GLIS1: variants seen among roughly 807,000 people sequenced by gnomAD.
GLIS1 encodes the protein zinc finger protein GLIS1.
In GLIS1, 24 loss-of-function variants were observed where a neutral mutation model predicts 63.8. The observed-to-expected ratio is 0.38, with a 90% CI of 0.27 to 0.53. GLIS1 has a LOEUF of 0.53. Among genes scored for constraint, GLIS1 ranks in the 20% least tolerant of loss-of-function variants. GLIS1 has a pLI of 0.85. For missense variants in GLIS1, 1,036 were observed against 1,074.1 expected, an observed-to-expected ratio of 0.96 and a Z score of 0.50; for synonymous variants, 450 against 482.5, an observed-to-expected ratio of 0.93 and a Z score of 0.88.
intron 1 of GLIS1, 30 bp from the exon 2 acceptor site, chr1:53,738,136 G>C (rs1179618433): frequency 2.5e-6 from 3 of 1,189,960 alleles, no homozygotes; most frequent in Admixed American, 4.3e-5. Flanking sequence ...CAGCCAGTTA[G>C]AATGCGGAAA....
intron 4 of GLIS1, among the ~76,000 whole-genome samples, chr1:53,577,263 G>A (rs745896262): frequency 6.6e-6 from 1 of 151,970 alleles, no homozygotes; most frequent in Non-Finnish European, 1.5e-5. Flanking sequence ...GCATGCCCCA[G>A]ATCAAGTCAC....
At chr1:53,573,167 T>C (rs556840894) in intron 4 of GLIS1, among the ~76,000 whole-genome samples, 1 of 152,280 alleles carries the variant, frequency 6.6e-6, no homozygotes, top group South Asian at 2.1e-4. Context: ...TCAGCGAATG[T>C]TTACTGAGCT....
intron 2 of GLIS1, among the ~76,000 whole-genome samples, chr1:53,633,672 T>C (rs1247938946): frequency 6.6e-6 from 1 of 152,078 alleles, no homozygotes; most frequent in African/African-American, 2.4e-5. Flanking sequence ...CGTGTGTCAA[T>C]CCTAGCACTA....
At chr1:53,530,393 C>G (rs2100333662) in intron 4 of GLIS1, among the ~76,000 whole-genome samples, 1 of 152,262 alleles carries the variant, frequency 6.6e-6, no homozygotes, top group South Asian at 2.1e-4. Context: ...GTGCTCTTGA[C>G]CCCTCTGCGC....
intron 2 of GLIS1, among the ~76,000 whole-genome samples, chr1:53,660,525 C>A (rs1310129969): frequency 6.6e-6 from 1 of 152,172 alleles, no homozygotes; most frequent in Non-Finnish European, 1.5e-5. Context: ...TACCCTAGAG[C>A]AGCTTTGTAG....
At chr1:53,708,556 G>A (rs1646605562) in intron 2 of GLIS1, among the ~76,000 whole-genome samples, 1 of 152,038 alleles carries the variant, frequency 6.6e-6, no homozygotes. Flanking sequence ...TCTGGGACTG[G>A]GGCTGAGTGT....
intron 2 of GLIS1, among the ~76,000 whole-genome samples, chr1:53,604,651 C>G (rs1470080086): frequency 6.6e-6 from 1 of 152,136 alleles, no homozygotes; most frequent in East Asian, 1.9e-4. Flanking sequence ...CTGCACTTTA[C>G]AGTTTACAAA....
rs140694050 is a variant in GLIS1 at position 53,627,597 on chromosome 1, C to T, written c.260-27319G>A. Among the ~76,000 whole-genome samples the T allele has an allele frequency of 7.7e-3, 1,172 of 152,276 alleles. 2 individuals carry two copies. The highest frequency in any genetic ancestry group is 0.013 in the Non-Finnish European group (878 of 68,022). On this transcript the variant is annotated intron_variant, in intron 2 of 10. Coordinates refer to ENST00000628545, the MANE Select transcript of GLIS1 (RefSeq NM_001367484.1). ...AATCCCTTTCGACAGATTAACTAGA[C>T]GCACTTTGAAGCCATAAATCATGCA...
chr1:53,567,895 A>T (rs1449139844), intron 4 of GLIS1, among the ~76,000 whole-genome samples: 5 of 152,244 alleles, frequency 3.3e-5, no homozygotes, highest in African/African-American at 1.2e-4. Context: ...GTCCAGGCAG[A>T]AGTCTGCTAC....
At chr1:53,614,927 CACATAT>C (rs1481849443) in intron 2 of GLIS1, among the ~76,000 whole-genome samples, 22 of 152,230 alleles carry the variant, frequency 1.4e-4, no homozygotes, top group African/African-American at 4.6e-4. Flanking sequence ...CACTCTCACA[CACATAT>C]GCATTCTCTG....
At chr1:53,736,113 G>A (rs910116498) in intron 2 of GLIS1, among the ~76,000 whole-genome samples, 2 of 152,150 alleles carry the variant, frequency 1.3e-5, no homozygotes, top group African/African-American at 4.8e-5. Flanking sequence ...GAAAAGTTGT[G>A]AAACCTCTTG....
intron 2 of GLIS1, among the ~76,000 whole-genome samples, chr1:53,621,662 G>A (rs144857740): frequency 6.6e-6 from 1 of 152,104 alleles, no homozygotes; most frequent in African/African-American, 2.4e-5. Context: ...TTTAGTTTTA[G>A]TAATACGTTT....
At chr1:53,675,994 A>G (rs1646207729) in intron 2 of GLIS1, among the ~76,000 whole-genome samples, 1 of 152,202 alleles carries the variant, frequency 6.6e-6, no homozygotes, top group South Asian at 2.1e-4. Context: ...GGAGGGGGAA[A>G]AAAGGCACAG....
Position 53,509,927 on chromosome 1 carries a change from G to A in GLIS1, c.1984C>T (p.Pro662Ser), listed in dbSNP as rs1644281421. 1 of 1,306,064 alleles carries A rather than the reference G, an allele frequency of 7.7e-7. No individual in the cohort carries two copies. The highest frequency in any genetic ancestry group is 1.5e-5 in the African/African-American group (1 of 66,422). The allele number at this position is 1,306,064 out of a possible 1,614,324, so 80.9% of individuals were successfully genotyped here. A position where few individuals can be genotyped will look rare whatever the true frequency, so the allele number is the denominator to read the frequency against. ...SSQSHSPGGQ[P>S]FPTLPSKPSY... ...GGCTTGCTGGGGAGTGTGGGGAAGG[G>A]CTGGCCCCCCGGAGAATGGCTCTGA... The change falls in exon 9 of 11, where the codon CCC becomes TCC. Residue 662 changes from proline to serine, a missense_variant. Pro to Ser is a moderately conservative substitution (Grantham distance 74). Coordinates refer to ENST00000628545, the MANE Select transcript of GLIS1 (RefSeq NM_001367484.1).
At chr1:53,653,251 T>C (rs1233493241) in intron 2 of GLIS1, among the ~76,000 whole-genome samples, 3 of 152,224 alleles carry the variant, frequency 2.0e-5, no homozygotes, top group African/African-American at 4.8e-5. Flanking sequence ...AAGAAGCAGA[T>C]GGATGGACAT....
chr1:53,514,225 G>A (rs536771203), intron 8 of GLIS1, among the ~76,000 whole-genome samples: 2 of 152,318 alleles, frequency 1.3e-5, no homozygotes, highest in Non-Finnish European at 2.9e-5. Context: ...TGTGGAGTGC[G>A]CGCAGTGGGC....
rs145295377 is a variant in GLIS1, at chr1:53,578,325, A to C, written c.1320+15783T>G. Among the ~76,000 whole-genome samples, 3 of 152,352 alleles carry C rather than the reference A, an allele frequency of 2.0e-5. No homozygotes were observed. In the East Asian group the frequency reaches 5.8e-4, roughly 29 times the overall value. On this transcript the variant is annotated intron_variant, in intron 4 of 10. Transcript: ENST00000628545. ...CATATTGCTAGGCTAACAGCACCAC[A>C]CAGACTAGGACCTAGGTCCTTCACT...
intron 2 of GLIS1, among the ~76,000 whole-genome samples, chr1:53,634,053 G>T (rs941100452): frequency 6.6e-6 from 1 of 152,216 alleles, no homozygotes; most frequent in Non-Finnish European, 1.5e-5. Flanking sequence ...GAAAGGCCAA[G>T]GATGGCGCCA....
intron 10 of GLIS1, 87 bp downstream of exon 10, chr1:53,509,033 G>A: frequency 1.5e-6 from 2 of 1,321,650 alleles, no homozygotes; most frequent in Non-Finnish European, 2.0e-6. Flanking sequence ...GCATCCAAAG[G>A]CTGCAGGACA....
Sources: allele counts gnomAD v4.1 joint callset (sites outside exome capture counted in the v4.1 genomes callset), GRCh38; gene constraint gnomAD v4.1.1; transcripts MANE v1.5; gene names NCBI Gene and HGNC (gene_info 2026-07-23, HGNC 2026-07-21).